Variants in MICU3 observed in about 807,000 individuals in gnomAD.
MICU3 encodes mitochondrial calcium uptake 3, also known as calcium uptake protein 3, mitochondrial.
MICU3 carries 62 observed loss-of-function variants against 66.5 expected under a neutral mutation model. The observed-to-expected ratio is 0.93, with a 90% CI of 0.76 to 1.15. The LOEUF is 1.15. Among genes scored for constraint, MICU3 ranks in the 50% most tolerant of loss-of-function variants. The probability of loss-of-function intolerance (pLI) is 0.00; values close to 1 mark genes in which losing one functional copy is unlikely to be tolerated. For missense variants in MICU3, 779 were observed against 664.4 expected (o/e 1.17, Z -1.90); for synonymous variants, 308 against 240.7 (o/e 1.28, Z -2.59).
At chr8:17,032,715 C>T (rs7011678) in intron 1 of MICU3, among the ~76,000 whole-genome samples, 61,983 of 151,992 alleles carry the variant, frequency 0.41, 16,044 homozygotes, top group African/African-American at 0.73. Flanking sequence ...TACGTTTTGC[C>T]GTGCTTCATT....
Position 17,081,754 on chromosome 8 carries a change from T to C in MICU3, c.694+14T>C, listed in dbSNP as rs1200406002. 12 of 921,948 alleles carry C rather than the reference T, an allele frequency of 1.3e-5. No homozygotes were observed. The East Asian group carries it at 1.5e-4, about 11-fold the overall frequency. 57.1% of individuals were successfully genotyped at this position (921,948 alleles called of 1,614,324 possible). On this transcript the variant is annotated intron_variant, in intron 5 of 14. Coordinates refer to ENST00000318063, the MANE Select transcript of MICU3 (RefSeq NM_181723.3). ...GTATTTTAACAAGTAAGTATACTTA[T>C]TGCTTTTATTTCTGGATGCAGCTTT...
intron 1 of MICU3, among the ~76,000 whole-genome samples, chr8:17,043,553 T>G (rs1025896336): frequency 6.6e-6 from 1 of 152,208 alleles, no homozygotes; most frequent in Non-Finnish European, 1.5e-5. Flanking sequence ...GAGATCAGTG[T>G]GACTTAAACA....
At chr8:17,129,209 A>C in the MICU3 span, among the ~76,000 whole-genome samples, 1 of 152,200 alleles carries the variant, frequency 6.6e-6, no homozygotes, top group Non-Finnish European at 1.5e-5. Flanking sequence ...GAAGACAGCA[A>C]ATTCCTACTG....
intron 3 of MICU3, among the ~76,000 whole-genome samples, chr8:17,072,818 A>T (rs867180994): frequency 6.6e-6 from 1 of 152,182 alleles, no homozygotes; most frequent in Non-Finnish European, 1.5e-5. Flanking sequence ...AGCTTCCAGA[A>T]ATCTGACAAT....
At position 17,098,490 on chromosome 8, in the gene MICU3, C is replaced by T. The variant is rs762707220; in HGVS notation, c.921C>T (p.Ser307=). ...VLKTDAEELV[S]RSYWDTLRRN... ...AAACAGATGCTGAGGAACTTGTCTC[C>T]AGAAGCTATTGGGATACACTGAGAC... The change falls in exon 9 of 15, where the codon TCC becomes TCT. Residue 307 remains serine, a synonymous_variant. Coordinates refer to ENST00000318063, the MANE Select transcript of MICU3 (RefSeq NM_181723.3). 6.2e-7 allele frequency: 1 copy of T among 1,611,572 alleles called. No homozygotes were observed.
chr8:17,050,480 T>C (rs755043981), intron 1 of MICU3, among the ~76,000 whole-genome samples: 4 of 152,090 alleles, frequency 2.6e-5, no homozygotes, highest in Non-Finnish European at 5.9e-5. Context: ...TGATAAATGG[T>C]CAGTTTATAT....
intron 11 of MICU3, among the ~76,000 whole-genome samples, chr8:17,113,254 C>G (rs535357041): frequency 3.3e-5 from 5 of 152,296 alleles, no homozygotes; most frequent in African/African-American, 9.6e-5. Context: ...TGTTAGGCCT[C>G]AACTCGGCCT....
intron 1 of MICU3, among the ~76,000 whole-genome samples, chr8:17,034,468 G>T (rs1812632812): frequency 6.6e-6 from 1 of 152,220 alleles, no homozygotes. Context: ...GGCTATAGCT[G>T]CCATAGATAG....
chr8:17,075,811 T>C (rs1352985285), intron 3 of MICU3, among the ~76,000 whole-genome samples: 2 of 152,094 alleles, frequency 1.3e-5, no homozygotes, highest in East Asian at 3.9e-4. Context: ...AATGAAGTTA[T>C]TATATGAGCC....
At position 17,120,282 on chromosome 8, in the gene MICU3, A is replaced by G. The variant is rs1803103815; in HGVS notation, c.*1-6A>G. 1 of 152,096 alleles carries G rather than the reference A, an allele frequency of 6.6e-6. No homozygotes were observed. The highest frequency in any genetic ancestry group is 6.5e-5 in the Admixed American group (1 of 15,272). 9.4% of individuals were successfully genotyped at this position (152,096 alleles called of 1,614,324 possible). A position where few individuals can be genotyped will look rare whatever the true frequency, so the allele number is the denominator to read the frequency against. On this transcript the variant is annotated splice_region_variant and splice_polypyrimidine_tract_variant and intron_variant, in intron 14 of 14. Transcript: ENST00000318063. The stretch of plus-strand genomic sequence containing the variant: ...TTGCTTTTGTGTTATTATTTTTTTT[A>G]ATTAGATACTCCTAAAACAAAGTTT...
At chr8:17,103,019 ATAATT>A (rs762901815) in intron 9 of MICU3, among the ~76,000 whole-genome samples, 5 of 152,130 alleles carry the variant, frequency 3.3e-5, no homozygotes, top group Non-Finnish European at 7.4e-5. Context: ...ACAATTTTAG[ATAATT>A]TAAAGTACAG....
intron 1 of MICU3, 115 bp downstream of exon 1, chr8:17,027,775 T>G: frequency 1.7e-6 from 2 of 1,197,586 alleles, no homozygotes; most frequent in Admixed American, 4.2e-5. Flanking sequence ...GGTGAGGAAC[T>G]TCCCGTGAGC....
chr8:17,118,621 T>C, intron 13 of MICU3, 86 bp from the exon 14 acceptor site: 1 of 870,600 alleles, frequency 1.1e-6, no homozygotes, highest in Non-Finnish European at 1.9e-6. Flanking sequence ...TTCTATGAGT[T>C]TGACTTTTTA....
intron 3 of MICU3, among the ~76,000 whole-genome samples, chr8:17,073,283 A>G (rs1257434005): frequency 6.6e-6 from 1 of 152,100 alleles, no homozygotes; most frequent in African/African-American, 2.4e-5. Flanking sequence ...GCCACTCTCC[A>G]TCACTCATTG....
chr8:17,114,227 A>C (rs765074475), intron 12 of MICU3, 26 bp downstream of exon 12: 2 of 1,413,616 alleles, frequency 1.4e-6, no homozygotes, highest in Non-Finnish European at 2.0e-6. Flanking sequence ...CAAAAATTAA[A>C]AGCAAGAAGT....
At chr8:17,072,024 C>T (rs1014821525) in intron 3 of MICU3, among the ~76,000 whole-genome samples, 1 of 151,516 alleles carries the variant, frequency 6.6e-6, no homozygotes, top group African/African-American at 2.4e-5. Context: ...CAAATTGATC[C>T]GAAATTAACT....
At position 17,104,375 on chromosome 8, in the gene MICU3, G is replaced by A. The variant is rs750701200; in HGVS notation, c.985-16G>A. 1 of 1,305,920 alleles carries A rather than the reference G, an allele frequency of 7.7e-7. No homozygotes were observed. The highest frequency in any genetic ancestry group is 1.0e-6 in the Non-Finnish European group (1 of 987,828). The allele number at this position is 1,305,920 out of a possible 1,614,324, so 80.9% of individuals were successfully genotyped here. On this transcript the variant is annotated splice_polypyrimidine_tract_variant and intron_variant, in intron 9 of 14. Coordinates refer to ENST00000318063, the MANE Select transcript of MICU3 (RefSeq NM_181723.3). ...TTTTATTGAAGCTAACTTTTAAATTGTGATTTTTTTTTAAGCGTGCTGATG... is the reference window on the plus strand; with the variant it reads ...TTTTATTGAAGCTAACTTTTAAATTATGATTTTTTTTTAAGCGTGCTGATG...
At chr8:17,068,067 T>C (rs1221741287) in intron 2 of MICU3, among the ~76,000 whole-genome samples, 1 of 152,120 alleles carries the variant, frequency 6.6e-6, no homozygotes. Flanking sequence ...TAAAAATATA[T>C]TAAATTTTTC....
At position 17,116,583 on chromosome 8, in the gene MICU3, C is replaced by A; in HGVS notation, c.1507C>A (p.Leu503Ile). ...ATTTATTGGAATTATGAAAGACAGACTCCATAGAGGATTCCGGGTAAACCT... is the reference window on the plus strand; with the variant it reads ...ATTTATTGGAATTATGAAAGACAGAATCCATAGAGGATTCCGGGTAAACCT... ...KEFIGIMKDRLHRGFRGYKTV... is the reference protein window; with the variant it reads ...KEFIGIMKDRIHRGFRGYKTV... The change falls in exon 13 of 15, where the codon CTC becomes ATC. Residue 503 changes from leucine to isoleucine, a missense_variant. Leu to Ile is a conservative substitution (Grantham distance 5, BLOSUM62 2). Coordinates refer to ENST00000318063, the MANE Select transcript of MICU3 (RefSeq NM_181723.3). 6.4e-7 allele frequency: 1 copy of A among 1,562,104 alleles called. No homozygotes were observed. Among genetic ancestry groups the A allele is most frequent in the Non-Finnish European group, 8.6e-7 (1 of 1,162,462 alleles).
Sources: gnomAD v4.1 joint callset for allele counts (sites outside exome capture counted in the v4.1 genomes callset) on GRCh38, gnomAD v4.1.1 for gene constraint, MANE v1.5 for transcripts, NCBI Gene and HGNC (gene_info 2026-07-23, HGNC 2026-07-21) for gene names.